Variants in CNTN4 observed in about 807,000 individuals in gnomAD.
CNTN4 encodes the protein contactin-4.
In CNTN4, 77 loss-of-function variants were observed where a neutral mutation model predicts 122.5. The observed-to-expected ratio is 0.63, with a 90% CI of 0.52 to 0.76. The LOEUF is 0.76. Among genes scored for constraint, CNTN4 ranks in the 30% least tolerant of loss-of-function variants. CNTN4 has a pLI of 0.00. For missense variants in CNTN4, 1,256 were observed against 1,259.1 expected, an observed-to-expected ratio of 1.00 and a Z score of 0.04; for synonymous variants, 512 against 447.0, an observed-to-expected ratio of 1.15 and a Z score of -1.83.
chr3:2,608,771 C>T (rs1184821537), intron 4 of CNTN4, among the ~76,000 whole-genome samples: 1 of 152,214 alleles, frequency 6.6e-6, no homozygotes, highest in Non-Finnish European at 1.5e-5. Context: ...CAGGCATGAG[C>T]AACTGCACTT....
chr3:2,920,951 G>A (rs6779237), intron 12 of CNTN4, among the ~76,000 whole-genome samples: 85,083 of 151,616 alleles, frequency 0.56, 23,850 homozygotes, highest in East Asian at 0.68. Context: ...ACTAGAAGGG[G>A]CACATCATGC....
chr3:2,559,454 C>G (rs1034340016), intron 3 of CNTN4, among the ~76,000 whole-genome samples: 4 of 152,060 alleles, frequency 2.6e-5, no homozygotes, highest in Non-Finnish European at 5.9e-5. Flanking sequence ...CTCCAAGCCC[C>G]GCTTTCCTCT....
intron 2 of CNTN4, among the ~76,000 whole-genome samples, chr3:2,331,474 A>G (rs1268683652): frequency 6.6e-6 from 1 of 152,138 alleles, no homozygotes. Flanking sequence ...CTTCCCTATG[A>G]TTATGACAAC....
At chr3:2,891,230 G>A (rs990294522) in intron 10 of CNTN4, among the ~76,000 whole-genome samples, 6 of 152,130 alleles carry the variant, frequency 3.9e-5, no homozygotes, top group Non-Finnish European at 8.8e-5. Flanking sequence ...TTGGGAGGCC[G>A]AAGTGGGTGA....
intron 3 of CNTN4, among the ~76,000 whole-genome samples, chr3:2,382,345 C>T (rs1575509244): frequency 6.6e-6 from 1 of 151,886 alleles, no homozygotes; most frequent in Admixed American, 6.6e-5. Context: ...TTAGTAGAGA[C>T]TGGGTTTCAC....
chr3:2,531,332 T>C (rs1262087531), intron 3 of CNTN4, among the ~76,000 whole-genome samples: 1 of 152,068 alleles, frequency 6.6e-6, no homozygotes, highest in Non-Finnish European at 1.5e-5. Flanking sequence ...GTACGGGAGA[T>C]ACATTTTTGC....
At chr3:2,412,441 C>T (rs966778507) in intron 3 of CNTN4, among the ~76,000 whole-genome samples, 10 of 151,848 alleles carry the variant, frequency 6.6e-5, no homozygotes, top group East Asian at 5.8e-4. Context: ...TTATTGGAGA[C>T]GGGGTTTCAC....
chr3:2,481,125 CTCTT>C (rs1402410003), intron 3 of CNTN4, among the ~76,000 whole-genome samples: 2 of 104,420 alleles, frequency 1.9e-5, no homozygotes, highest in African/African-American at 3.6e-5. Flanking sequence ...CTCTTTCTCC[CTCTT>C]TCTTTCTCTC....
At chr3:2,469,626 A>G (rs1368383864) in intron 3 of CNTN4, among the ~76,000 whole-genome samples, 1 of 152,198 alleles carries the variant, frequency 6.6e-6, no homozygotes, top group Non-Finnish European at 1.5e-5. Context: ...AGAATATGCA[A>G]TCTGCTGTTT....
At chr3:2,405,307 G>C (rs1456423912) in intron 3 of CNTN4, among the ~76,000 whole-genome samples, 1 of 152,056 alleles carries the variant, frequency 6.6e-6, no homozygotes, top group Non-Finnish European at 1.5e-5. Flanking sequence ...AGCACACCTA[G>C]GACTCATATC....
chr3:3,019,708 G>T (rs1471839716), intron 14 of CNTN4, among the ~76,000 whole-genome samples: 2 of 151,040 alleles, frequency 1.3e-5, no homozygotes, highest in African/African-American at 4.9e-5. Flanking sequence ...CTGTGTGTGT[G>T]TGTAGGTGTA....
At chr3:2,784,188 G>A (rs72622138) in intron 6 of CNTN4, among the ~76,000 whole-genome samples, 22,534 of 152,122 alleles carry the variant, frequency 0.15, 2,073 homozygotes, top group African/African-American at 0.26. Context: ...TGTGGGGACC[G>A]GGTATGTAAC....
intron 6 of CNTN4, among the ~76,000 whole-genome samples, chr3:2,755,692 G>A (rs2090303941): frequency 6.6e-6 from 1 of 152,130 alleles, no homozygotes; most frequent in African/African-American, 2.4e-5. Flanking sequence ...TTTGGGGACT[G>A]ATAAAAAGCA....
At chr3:2,283,895 G>T (rs1438166907) in intron 2 of CNTN4, among the ~76,000 whole-genome samples, 1 of 152,068 alleles carries the variant, frequency 6.6e-6, no homozygotes, top group African/African-American at 2.4e-5. Context: ...AGCTAAAAAA[G>T]CATATTTCCC....
intron 6 of CNTN4, among the ~76,000 whole-genome samples, chr3:2,753,543 A>C (rs2090196753): frequency 6.6e-6 from 1 of 152,316 alleles, no homozygotes; most frequent in South Asian, 2.1e-4. Flanking sequence ...AGGATACAGC[A>C]GTGGGAGAAG....
In CNTN4 at chr3:2,451,852, T is replaced by C. The variant is rs548703360; in HGVS notation, c.-89+112619T>C. ...GCCTTGTTGAGAGTCACTGCATCAATGTACTGGTTACTTTTGTAAATTTTA... is the reference window on the plus strand; with the variant it reads ...GCCTTGTTGAGAGTCACTGCATCAACGTACTGGTTACTTTTGTAAATTTTA... On this transcript the variant is annotated intron_variant, in intron 3 of 24. Transcript: ENST00000418658. Among the ~76,000 whole-genome samples the C allele has an allele frequency of 2.2e-4, 33 of 152,264 alleles. No individual in the cohort carries two copies. The South Asian group carries it at 5.6e-3, about 26-fold the overall frequency.
chr3:2,924,298 T>A (rs2094453490), intron 12 of CNTN4, among the ~76,000 whole-genome samples: 1 of 152,138 alleles, frequency 6.6e-6, no homozygotes, highest in African/African-American at 2.4e-5. Context: ...TTTAAGAAAT[T>A]GGCCCCCATT....
intron 4 of CNTN4, among the ~76,000 whole-genome samples, chr3:2,675,528 C>T (rs994752518): frequency 2.6e-5 from 4 of 152,090 alleles, no homozygotes; most frequent in Admixed American, 2.0e-4. Flanking sequence ...ATTTATGTTT[C>T]CATTTATTGT....
At chr3:2,330,076 C>A (rs949361232) in intron 2 of CNTN4, among the ~76,000 whole-genome samples, 3 of 152,118 alleles carry the variant, frequency 2.0e-5, no homozygotes, top group African/African-American at 7.2e-5. Flanking sequence ...AACTTCTGGC[C>A]AATTGATATA....
Sources: allele counts gnomAD v4.1 joint callset (sites outside exome capture counted in the v4.1 genomes callset), GRCh38; gene constraint gnomAD v4.1.1; transcripts MANE v1.5; gene names NCBI Gene and HGNC (gene_info 2026-07-23, HGNC 2026-07-21).